The following GPD2 variants were observed in gnomAD, a reference collection of about 807,000 sequenced individuals.
The protein encoded by GPD2 is glycerol-3-phosphate dehydrogenase 2, also known as glycerol-3-phosphate dehydrogenase, mitochondrial.
In GPD2, 54 loss-of-function variants were observed where a neutral mutation model predicts 82.4. That is an observed-to-expected ratio of 0.66 (90% confidence interval 0.53 to 0.82). The LOEUF (loss-of-function observed/expected upper bound fraction) is 0.82. Among genes scored for constraint, GPD2 ranks in the 40% least tolerant of loss-of-function variants. GPD2 has a pLI of 0.00. For synonymous variants in GPD2, 288 were observed against 306.1 expected, an observed-to-expected ratio of 0.94 and a Z score of 0.62; for missense variants, 748 against 896.2, an observed-to-expected ratio of 0.83 and a Z score of 2.11.
At chr2:156,527,418 T>TAA (rs1685653340) in intron 6 of GPD2, among the ~76,000 whole-genome samples, 1 of 152,154 alleles carries the variant, frequency 6.6e-6, no homozygotes, top group African/African-American at 2.4e-5. Flanking sequence ...ATATCACACT[T>TAA]ACATTAGTAA....
At chr2:156,522,365 G>A (rs1685441830) in intron 6 of GPD2, among the ~76,000 whole-genome samples, 1 of 152,186 alleles carries the variant, frequency 6.6e-6, no homozygotes, top group South Asian at 2.1e-4. Flanking sequence ...TAAAGACAGT[G>A]CTAAAAATTC....
intron 4 of GPD2, 67 bp downstream of exon 4, chr2:156,510,987 GT>G (rs983801539): frequency 1.9e-5 from 26 of 1,398,386 alleles, no homozygotes; most frequent in South Asian, 3.5e-5. Flanking sequence ...ATTAAATCAG[GT>G]TTTTTTTTCT....
Position 156,571,195 on chromosome 2 carries a change from G to A in GPD2, c.1670G>A (p.Arg557His), listed in dbSNP as rs201219979. The A allele has an allele frequency of 2.1e-5, 34 of 1,610,330 alleles. No individual in the cohort carries two copies. The highest frequency in any genetic ancestry group is 3.3e-4 in the Middle Eastern group (2 of 6,052). Residue 557 changes from arginine to histidine, a missense_variant, in exon 13 of 17, where the codon CGC becomes CAC. Arg to His is a conservative substitution (Grantham distance 29, BLOSUM62 0). This residue lies in a region of GPD2 where 692 missense variants were observed against 809.7 expected (regional missense o/e 0.85). Coordinates refer to ENST00000438166, the MANE Select transcript of GPD2 (RefSeq NM_000408.5). ...GTGGATATGATTTCACGTCGTACTC[G>A]CCTGGCCTTTCTAAATGTCCAGGCA... Reference protein sequence around the residue: ...TAVDMISRRTRLAFLNVQAAE... With the variant: ...TAVDMISRRTHLAFLNVQAAE...
chr2:156,583,362 A>G lies in GPD2; in HGVS notation c.*444A>G, dbSNP rs1172241682. On this transcript the variant is annotated 3_prime_UTR_variant, in exon 17 of 17. Coordinates refer to ENST00000438166, the MANE Select transcript of GPD2 (RefSeq NM_000408.5). ...AAATGATCATGTTTCTGGAGAAATT[A>G]AGCTTATAGACAGCATGTGTTATTA... The G allele has an allele frequency of 4.4e-6, 1 of 227,460 alleles. No individual in the cohort carries two copies. Among genetic ancestry groups the G allele is most frequent in the African/African-American group, 2.3e-5 (1 of 43,400 alleles). 14.1% of individuals were successfully genotyped at this position (227,460 alleles called of 1,614,324 possible). A position where few individuals can be genotyped will look rare whatever the true frequency, so the allele number is the denominator to read the frequency against.
chr2:156,435,799 C>T (rs897647288), upstream of GPD2: 1 of 152,484 alleles, frequency 6.6e-6, no homozygotes, highest in African/African-American at 2.4e-5. Flanking sequence ...AACGAGAAGT[C>T]GTCAGGTAAG....
At chr2:156,446,940 C>A (rs1268824153) in intron 1 of GPD2, among the ~76,000 whole-genome samples, 1 of 152,128 alleles carries the variant, frequency 6.6e-6, no homozygotes, top group Non-Finnish European at 1.5e-5. Flanking sequence ...ATATCTGAAT[C>A]CATCAACCCC....
chr2:156,526,941 C>T (rs576464044), intron 6 of GPD2, among the ~76,000 whole-genome samples: 22 of 152,236 alleles, frequency 1.4e-4, no homozygotes, highest in Non-Finnish European at 2.6e-4. Context: ...TAATGCCTCA[C>T]GTATCTGTTG....
chr2:156,481,956 C>T (rs753935043), intron 2 of GPD2, among the ~76,000 whole-genome samples: 7 of 152,286 alleles, frequency 4.6e-5, no homozygotes, highest in Non-Finnish European at 1.0e-4. Context: ...TAAATTCTCT[C>T]AGCCTCATTT....
Position 156,579,246 on chromosome 2 carries a change from A to G in GPD2, c.1959+82A>G, listed in dbSNP as rs943882369. ...ATGTTTTTCTCATCTAGGGTTTTCT[A>G]CAAGTAATATTTTTGTTATAATTTT... On this transcript the variant is annotated intron_variant, in intron 15 of 16. Transcript: ENST00000438166. The G allele has an allele frequency of 1.8e-4, 146 of 789,628 alleles. 1 individual carries two copies. The African/African-American group carries it at 2.3e-3, about 13-fold the overall frequency. 48.9% of individuals were successfully genotyped at this position (789,628 alleles called of 1,614,324 possible).
Position 156,496,048 on chromosome 2 carries a change from A to G in GPD2, c.107A>G (p.Asn36Ser), listed in dbSNP as rs1558927723. Reference sequence around the variant, plus strand: ...AGTGATCTGCTTTTACATCAGATGAACCTGGCCTATGTTAAAGCAGCAGAC... The same window carrying G: ...AGTGATCTGCTTTTACATCAGATGAGCCTGGCCTATGTTAAAGCAGCAGAC... ...QFAHYRRKQM[N>S]LAYVKAADCI... The change falls in exon 3 of 17, where the codon AAC (asparagine) becomes AGC (serine). Residue 36 changes from asparagine to serine, a missense_variant. By Grantham distance (46) the Asn-to-Ser change is conservative. Transcript: ENST00000438166. 6.2e-7 allele frequency: 1 copy of G among 1,611,134 alleles called. No individual in the cohort carries two copies. Among genetic ancestry groups the G allele is most frequent in the East Asian group, 2.2e-5 (1 of 44,862 alleles).
rs763184741 is a variant in GPD2 at position 156,512,261 on chromosome 2, G to A, written c.441G>A (p.Leu147=). ...AAGCCCTTCATGAGCGTGCCAACCT[G>A]CTAGAAATTGCTCCCCATTTATCAG... ...VKEALHERAN[L]LEIAPHLSAP... is the part of the protein sequence containing the mutation. The change falls in exon 5 of 17, where the codon CTG becomes CTA. Residue 147 remains leucine (L), a synonymous_variant. Coordinates refer to ENST00000438166, the MANE Select transcript of GPD2 (RefSeq NM_000408.5). The A allele has an allele frequency of 1.4e-5, 22 of 1,606,312 alleles. No individual in the cohort carries two copies. Among genetic ancestry groups the A allele is most frequent in the Non-Finnish European group, 1.9e-5 (22 of 1,173,066 alleles).
intron 1 of GPD2, among the ~76,000 whole-genome samples, chr2:156,472,300 G>A (rs1298852179): frequency 6.6e-6 from 1 of 151,940 alleles, no homozygotes; most frequent in Non-Finnish European, 1.5e-5. Context: ...CATTCTTTCA[G>A]CATTAAAACA....
chr2:156,434,712 T>C (rs771221885), upstream of GPD2, among the ~76,000 whole-genome samples: 8 of 152,204 alleles, frequency 5.3e-5, no homozygotes, highest in Non-Finnish European at 7.3e-5. Flanking sequence ...ATTTCCTTTT[T>C]CTGGTTGCTC....
chr2:156,460,725 T>G (rs545788278), intron 1 of GPD2, among the ~76,000 whole-genome samples: 10 of 152,338 alleles, frequency 6.6e-5, no homozygotes, highest in African/African-American at 2.4e-4. Flanking sequence ...TGTTGGCATT[T>G]AAGAGGCTCT....
At chr2:156,448,299 G>A (rs952631583) in intron 1 of GPD2, among the ~76,000 whole-genome samples, 3 of 151,940 alleles carry the variant, frequency 2.0e-5, no homozygotes, top group South Asian at 2.1e-4. Context: ...TAGTAGAGAC[G>A]GGGTTTCACC....
chr2:156,573,733 T>C (rs536177708), intron 13 of GPD2, among the ~76,000 whole-genome samples: 2 of 152,280 alleles, frequency 1.3e-5, no homozygotes, highest in African/African-American at 4.8e-5. Flanking sequence ...CTAAAGCTAT[T>C]ACTCAGTATC....
chr2:156,505,406 A>C (rs1017069191), intron 3 of GPD2, among the ~76,000 whole-genome samples: 2 of 152,186 alleles, frequency 1.3e-5, no homozygotes, highest in Non-Finnish European at 2.9e-5. Context: ...CAGACTACCT[A>C]CTAAAAGTAA....
chr2:156,577,067 TA>T (rs1403190655), intron 13 of GPD2, among the ~76,000 whole-genome samples: 1 of 152,230 alleles, frequency 6.6e-6, no homozygotes, highest in Admixed American at 6.5e-5. Context: ...TTTACTTTTT[TA>T]AGCTCAAAGA....
At chr2:156,487,155 A>T (rs558353500) in intron 2 of GPD2, among the ~76,000 whole-genome samples, 1 of 152,196 alleles carries the variant, frequency 6.6e-6, no homozygotes, top group East Asian at 1.9e-4. Context: ...AAAATACAAA[A>T]ATTAGCCAGG....
Sources: gnomAD v4.1 joint callset for allele counts (sites outside exome capture counted in the v4.1 genomes callset) on GRCh38, gnomAD v4.1.1 for gene constraint, gnomAD v4.1.1 regional missense constraint, MANE v1.5 for transcripts, NCBI Gene and HGNC (gene_info 2026-07-23, HGNC 2026-07-21) for gene names.